Variants in DIPK1A observed in about 807,000 individuals in gnomAD.
DIPK1A encodes divergent protein kinase domain 1A, also known as family with sequence similarity 69 member A.
DIPK1A carries 27 observed loss-of-function variants against 40.8 expected under a neutral mutation model. The ratio of observed to expected loss-of-function variants is 0.66; its 90% CI spans 0.49 to 0.91. The LOEUF (loss-of-function observed/expected upper bound fraction) is 0.91, where lower values mean the gene tolerates loss of function less well. Ranked by LOEUF, DIPK1A falls within the 40% of genes least tolerant of loss-of-function variation. DIPK1A has a pLI of 0.00. For synonymous variants in DIPK1A, 166 were observed against 171.3 expected (o/e 0.97, Z 0.24); for missense variants, 412 against 505.7 (o/e 0.81, Z 1.78).
intron 1 of DIPK1A, among the ~76,000 whole-genome samples, chr1:92,927,926 G>C (rs1650586660): frequency 6.6e-6 from 1 of 152,168 alleles, no homozygotes; most frequent in Non-Finnish European, 1.5e-5. Context: ...ACATCCATGT[G>C]TATGTTTTTC....
chr1:92,883,477 G>C (rs1648472572), intron 1 of DIPK1A, among the ~76,000 whole-genome samples: 3 of 152,194 alleles, frequency 2.0e-5, no homozygotes, highest in Admixed American at 2.0e-4. Context: ...ATGGTTCTGA[G>C]GGATGATGAC....
rs1196878561 is a variant in DIPK1A, at chr1:92,843,808, C to T, written c.862G>A (p.Gly288Arg). The T allele has an allele frequency of 6.4e-6, 10 of 1,551,844 alleles. No homozygotes were observed. Among genetic ancestry groups the T allele is most frequent in the Non-Finnish European group, 8.7e-6 (10 of 1,147,034 alleles). Residue 288 changes from glycine (G) to arginine (R), a missense_variant, in exon 5 of 5, where the codon GGA (glycine) becomes AGA (arginine). Gly to Arg is a moderately radical substitution (Grantham distance 125). Coordinates refer to ENST00000370310, the MANE Select transcript of DIPK1A (RefSeq NM_001006605.5). The stretch of plus-strand genomic sequence containing the variant: ...CTAGTATCGCACATGAGGAAATTTC[C>T]GTAGGGGCCATGGAAAACATCTTCC... ...FVEDVFHGPY[G>R]NFLMCDTSAK...
intron 4 of DIPK1A, among the ~76,000 whole-genome samples, chr1:92,834,432 T>C (rs886741943): frequency 6.6e-6 from 1 of 152,226 alleles, no homozygotes; most frequent in African/African-American, 2.4e-5. Context: ...TTAAGATTTA[T>C]TGATATTTTG....
chr1:92,843,558 TTGAG>T lies in DIPK1A; in HGVS notation c.1108_1111del (p.Leu370LysfsTer16). On this transcript the variant is annotated frameshift_variant, in exon 5 of 5. Coordinates refer to ENST00000370310, the MANE Select transcript of DIPK1A (RefSeq NM_001006605.5). LOFTEE classifies it high-confidence loss of function. The stretch of plus-strand genomic sequence containing the variant: ...TGGAGCACCACGCAGTAGGTAGTCT[TTGAG>T]TAACTGACAAGCTTTTGCCAAGTTT... 6.4e-7 allele frequency: 1 copy of T among 1,552,112 alleles called. No homozygotes were observed. Among genetic ancestry groups the T allele is most frequent in the Non-Finnish European group, 8.7e-7 (1 of 1,147,072 alleles).
At chr1:92,862,728 C>T (rs1647336452) in intron 2 of DIPK1A, among the ~76,000 whole-genome samples, 1 of 152,174 alleles carries the variant, frequency 6.6e-6, no homozygotes, top group Non-Finnish European at 1.5e-5. Flanking sequence ...GAACTCCTTA[C>T]CATGAGATAC....
intron 2 of DIPK1A, among the ~76,000 whole-genome samples, chr1:92,870,552 C>T (rs1647793603): frequency 1.3e-5 from 2 of 152,190 alleles, no homozygotes; most frequent in African/African-American, 4.8e-5. Flanking sequence ...AATACAGCCT[C>T]ACAATCTTTG....
intron 4 of DIPK1A, chr1:92,845,508 GAAAAA>G (rs552078855): frequency 5.2e-4 from 103 of 199,730 alleles, no homozygotes; most frequent in Middle Eastern, 2.4e-3. Flanking sequence ...GTCTATGCTA[GAAAAA>G]AAAAAAAAAA....
At position 92,914,640 on chromosome 1, in the gene DIPK1A, G is replaced by T. The variant is rs949985858; in HGVS notation, c.55-38210C>A. 4.0e-5 allele frequency among the ~76,000 whole-genome samples: 6 copies of T among 151,726 alleles called. 1 individual carries two copies. The highest frequency in any genetic ancestry group is 1.5e-4 in the African/African-American group (6 of 41,280). ...AAAAATTAGCTGGGCACAGTGGTGG[G>T]CACCTGTAGTCCCAGCTACTTGGGA... On this transcript the variant is annotated intron_variant, in intron 1 of 4. Transcript: ENST00000370310.
chr1:92,870,329 G>C (rs1647781295), intron 2 of DIPK1A, among the ~76,000 whole-genome samples: 1 of 152,064 alleles, frequency 6.6e-6, no homozygotes, highest in African/African-American at 2.4e-5. Context: ...AGGTTCCAGC[G>C]ATTCTCCTGC....
At chr1:92,945,997 T>C (rs976299886) in intron 1 of DIPK1A, among the ~76,000 whole-genome samples, 5 of 152,168 alleles carry the variant, frequency 3.3e-5, no homozygotes, top group African/African-American at 1.2e-4. Flanking sequence ...CAAACAAGCA[T>C]GATTTCTAAA....
intron 1 of DIPK1A, among the ~76,000 whole-genome samples, chr1:92,886,284 A>G (rs1359626090): frequency 4.6e-5 from 7 of 152,034 alleles, no homozygotes; most frequent in African/African-American, 1.4e-4. Flanking sequence ...GTAAGTGATG[A>G]TGTGCTACTG....
At chr1:92,841,120 A>G (rs1315029724), downstream of DIPK1A, among the ~76,000 whole-genome samples, 1 of 152,238 alleles carries the variant, frequency 6.6e-6, no homozygotes, top group Non-Finnish European at 1.5e-5. Context: ...ATGCTGTGCA[A>G]TAGAACTAAA....
chr1:92,958,464 A>G (rs1188118715), intron 1 of DIPK1A, among the ~76,000 whole-genome samples: 1 of 152,200 alleles, frequency 6.6e-6, no homozygotes, highest in East Asian at 1.9e-4. Flanking sequence ...TGGTCTCTGC[A>G]ACCTTTCTCT....
At chr1:92,939,646 G>T (rs1376958617) in intron 1 of DIPK1A, among the ~76,000 whole-genome samples, 2 of 152,024 alleles carry the variant, frequency 1.3e-5, no homozygotes, top group Non-Finnish European at 2.9e-5. Flanking sequence ...ACTAAAAAAT[G>T]ATCATAGAAA....
intron 1 of DIPK1A, among the ~76,000 whole-genome samples, chr1:92,939,468 T>C (rs1651069123): frequency 6.6e-6 from 1 of 152,154 alleles, no homozygotes; most frequent in Admixed American, 6.5e-5. Flanking sequence ...TTTTTAAAAA[T>C]TAACCAAAAC....
At chr1:92,914,380 A>C (rs1649959186) in intron 1 of DIPK1A, among the ~76,000 whole-genome samples, 1 of 152,068 alleles carries the variant, frequency 6.6e-6, no homozygotes, top group Admixed American at 6.6e-5. Flanking sequence ...CTTCCCCTTA[A>C]AGTGGAAATA....
At chr1:92,926,810 C>A (rs566487835) in intron 1 of DIPK1A, among the ~76,000 whole-genome samples, 2 of 152,328 alleles carry the variant, frequency 1.3e-5, no homozygotes, top group Admixed American at 6.5e-5. Flanking sequence ...ATTAAATTAT[C>A]TATTCTAACT....
intron 1 of DIPK1A, among the ~76,000 whole-genome samples, chr1:92,924,728 T>C (rs1057107538): frequency 1.3e-5 from 2 of 152,198 alleles, no homozygotes; most frequent in African/African-American, 2.4e-5. Flanking sequence ...CAGGGAGTGA[T>C]TGAGTCCAGC....
chr1:92,833,364 T>G, intron 4 of DIPK1A: 1 of 1,577,382 alleles, frequency 6.3e-7, no homozygotes, highest in South Asian at 1.1e-5. Flanking sequence ...CATCAAAGTT[T>G]TAATAACATT....
Sources: gnomAD v4.1 joint callset for allele counts (sites outside exome capture counted in the v4.1 genomes callset) on GRCh38, gnomAD v4.1.1 for gene constraint, MANE v1.5 for transcripts, NCBI Gene and HGNC (gene_info 2026-07-23, HGNC 2026-07-21) for gene names.